Variants in CROCC2 observed in about 807,000 individuals in gnomAD.
The protein encoded by CROCC2 is ciliary rootlet coiled-coil, rootletin family member 2.
Under a neutral mutation model 177.6 loss-of-function variants are expected in CROCC2, and 163 were observed. The ratio of observed to expected loss-of-function variants is 0.92; its 90% CI spans 0.81 to 1.05. CROCC2 has a LOEUF of 1.05. Ranked by LOEUF, CROCC2 falls within the 50% of genes least tolerant of loss-of-function variation. The probability of loss-of-function intolerance (pLI) is 0.00; values close to 1 mark genes in which losing one functional copy is unlikely to be tolerated. For missense variants in CROCC2, 1,929 were observed against 1,797.8 expected, an observed-to-expected ratio of 1.07 and a Z score of -1.32; for synonymous variants, 904 against 787.3, an observed-to-expected ratio of 1.15 and a Z score of -2.48.
At chr2:240,992,901 C>G (rs566037126) in intron 31 of CROCC2, among the ~76,000 whole-genome samples, 165 bp from the exon 32 acceptor site, 4 of 152,300 alleles carry the variant, frequency 2.6e-5, no homozygotes, top group African/African-American at 9.6e-5. Context: ...TGCAGCCCAG[C>G]AGAAGGGCCT....
rs887890043 is a variant in CROCC2 at position 240,960,056 on chromosome 2, T to A, written c.3087+612T>A. ...TCCACGCACAGTTAAGAAAGTGGAG[T>A]CAGGAAGGGCCTGACTCTGGAGGCA... is the stretch of plus-strand genomic sequence containing the variant. On this transcript the variant is annotated intron_variant, in intron 20 of 31. Coordinates refer to ENST00000690015, the MANE Select transcript of CROCC2 (RefSeq NM_001351305.2). The surrounding 1 kb of genome is among the most constrained non-coding windows in gnomAD (Gnocchi z 5.0). Among the ~76,000 whole-genome samples, 7 of 151,954 alleles carry A rather than the reference T, an allele frequency of 4.6e-5. No homozygotes were observed. Among genetic ancestry groups the A allele is most frequent in the African/African-American group, 1.7e-4 (7 of 41,376 alleles).
chr2:240,944,349 T>C (rs1002725066), intron 14 of CROCC2, among the ~76,000 whole-genome samples: 2 of 152,256 alleles, frequency 1.3e-5, no homozygotes, highest in African/African-American at 2.4e-5. Flanking sequence ...TGTGGCTAGA[T>C]GTATTTTATT....
At chr2:240,948,827 G>T (rs1288328475) in intron 15 of CROCC2, among the ~76,000 whole-genome samples, 152 bp from the exon 16 acceptor site, 1 of 152,224 alleles carries the variant, frequency 6.6e-6, no homozygotes, top group African/African-American at 2.4e-5. Flanking sequence ...AACAGCACAT[G>T]GTGCTCCAGA....
At chr2:240,983,238 C>T in intron 28 of CROCC2, 1 of 882,306 alleles carries the variant, frequency 1.1e-6, no homozygotes, top group Non-Finnish European at 1.7e-6. Context: ...CTGGAGGGGC[C>T]CACAGGGAGT....
At chr2:240,940,196 C>A (rs183746774) in intron 14 of CROCC2, among the ~76,000 whole-genome samples, 116 of 152,246 alleles carry the variant, frequency 7.6e-4, no homozygotes, top group African/African-American at 2.5e-3. Flanking sequence ...GTTTCTTCCA[C>A]TAGATCTCCC....
Position 240,983,752 on chromosome 2 carries a change from TGTC to T in CROCC2, c.4551+726_4551+728del, listed in dbSNP as rs758219449. On this transcript the variant is annotated intron_variant, in intron 28 of 31. Transcript: ENST00000690015. ...CAGGTGGCCACAGCCCTGCCAGTGGTGTCGTGTGCGCCCTGCCTTGGCTCTCCC... is the reference window on the plus strand; with the variant it reads ...CAGGTGGCCACAGCCCTGCCAGTGGTGTGTGCGCCCTGCCTTGGCTCTCCC... The T allele has an allele frequency of 4.8e-4, 280 of 579,352 alleles. 1 individual carries two copies. The Middle Eastern group carries it at 9.9e-3, about 21-fold the overall frequency. 35.9% of individuals were successfully genotyped at this position (579,352 alleles called of 1,614,324 possible). A position where few individuals can be genotyped will look rare whatever the true frequency, so the allele number is the denominator to read the frequency against.
rs1409576130 is a variant in CROCC2, at chr2:240,945,865, A to AC, written c.2170-193dup. Among the ~76,000 whole-genome samples the AC allele has an allele frequency of 3.9e-5, 6 of 151,910 alleles. No homozygotes were observed. In the East Asian group the frequency reaches 9.7e-4, roughly 25 times the overall value. Reference sequence around the variant, plus strand: ...AATACCATCTCCATCCACTCAGGGTACCTGAGTGGATGCCCCCTCTATTGT... The same window carrying AC: ...AATACCATCTCCATCCACTCAGGGTACCCTGAGTGGATGCCCCCTCTATTGT... On this transcript the variant is annotated intron_variant, in intron 14 of 31. Coordinates refer to ENST00000690015, the MANE Select transcript of CROCC2 (RefSeq NM_001351305.2).
chr2:240,974,731 C>T (rs1202634273), intron 27 of CROCC2, among the ~76,000 whole-genome samples: 1 of 152,040 alleles, frequency 6.6e-6, no homozygotes, highest in African/African-American at 2.4e-5. Flanking sequence ...TTTGTTTATG[C>T]TTGGGCTTTC....
At chr2:240,947,832 C>T (rs982421116) in intron 15 of CROCC2, among the ~76,000 whole-genome samples, 7 of 152,110 alleles carry the variant, frequency 4.6e-5, no homozygotes, top group Admixed American at 3.3e-4. Flanking sequence ...CGCCAGCCCA[C>T]ACCCCAAGCA....
At chr2:240,910,389 G>A (rs548991113) in intron 1 of CROCC2, among the ~76,000 whole-genome samples, 28 of 147,146 alleles carry the variant, frequency 1.9e-4, no homozygotes, top group African/African-American at 6.9e-4. Flanking sequence ...TCCTTGGCTT[G>A]AATTTTGATT....
chr2:240,906,941 G>A (rs1352870832), intron 1 of CROCC2, among the ~76,000 whole-genome samples: 1 of 79,542 alleles, frequency 1.3e-5, no homozygotes, highest in African/African-American at 3.7e-5. Flanking sequence ...TCAGGTGGCC[G>A]GCGTCCCTGG....
intron 14 of CROCC2, among the ~76,000 whole-genome samples, chr2:240,939,143 A>G (rs2059484020): frequency 6.6e-6 from 1 of 152,174 alleles, no homozygotes; most frequent in African/African-American, 2.4e-5. Context: ...TAGGCTTTTC[A>G]TAGATGCCCT....
chr2:240,933,007 A>G lies in CROCC2; in HGVS notation c.1251+99A>G, dbSNP rs887088799. ...GTTATGGGGCCTGCCCCTGAGCCCCATGGCTCCAGGGAGGGGCCCCAGTGT... is the reference window on the plus strand; with the variant it reads ...GTTATGGGGCCTGCCCCTGAGCCCCGTGGCTCCAGGGAGGGGCCCCAGTGT... On this transcript the variant is annotated intron_variant, in intron 9 of 31. Transcript: ENST00000690015. 7 of 1,497,836 alleles carry G rather than the reference A, an allele frequency of 4.7e-6. No individual in the cohort carries two copies. The East Asian group carries it at 7.4e-5, about 16-fold the overall frequency. The allele number at this position is 1,497,836 out of a possible 1,614,324, so 92.8% of individuals were successfully genotyped here. A position where few individuals can be genotyped will look rare whatever the true frequency, so the allele number is the denominator to read the frequency against.
At chr2:240,916,408 C>T (rs1323569210) in intron 1 of CROCC2, among the ~76,000 whole-genome samples, 1 of 94,614 alleles carries the variant, frequency 1.1e-5, no homozygotes, top group Non-Finnish European at 2.2e-5. Context: ...CCCCTCCTTC[C>T]CCGGTGCCCC....
chr2:240,906,462 C>T lies in CROCC2; in HGVS notation c.-52C>T, dbSNP rs1332905769. 5.0e-6 allele frequency: 2 copies of T among 398,904 alleles called. No individual in the cohort carries two copies. Among genetic ancestry groups the T allele is most frequent in the Non-Finnish European group, 8.8e-6 (2 of 226,070 alleles). The allele number at this position is 398,904 out of a possible 1,614,324, so 24.7% of individuals were successfully genotyped here. On this transcript the variant is annotated 5_prime_UTR_variant, in exon 1 of 32. Transcript: ENST00000690015. ...AAGACCCTGGCCAGTTGGAGGAGAACTGCCAGGTAGCAAAGCCCAGACTTC... is the reference window on the plus strand; with the variant it reads ...AAGACCCTGGCCAGTTGGAGGAGAATTGCCAGGTAGCAAAGCCCAGACTTC...
At position 240,982,842 on chromosome 2, in the gene CROCC2, A is replaced by C; in HGVS notation, c.4402-38A>C. 1 of 1,527,132 alleles carries C rather than the reference A, an allele frequency of 6.5e-7. No homozygotes were observed. The highest frequency in any genetic ancestry group is 8.8e-7 in the Non-Finnish European group (1 of 1,133,316). The allele number at this position is 1,527,132 out of a possible 1,614,324, so 94.6% of individuals were successfully genotyped here. On this transcript the variant is annotated intron_variant, in intron 27 of 31. Transcript: ENST00000690015. The surrounding 1 kb of genome is among the most constrained non-coding windows in gnomAD (Gnocchi z 4.7). ...TTTCCCTGCAGGGCCTCCCACCCCCAGTGTCTCCAGGTGGACCCTGTGTCT... is the reference window on the plus strand; with the variant it reads ...TTTCCCTGCAGGGCCTCCCACCCCCCGTGTCTCCAGGTGGACCCTGTGTCT...
intron 12 of CROCC2, 133 bp from the exon 13 acceptor site, chr2:240,934,783 A>G: frequency 9.8e-7 from 1 of 1,015,904 alleles, no homozygotes; most frequent in East Asian, 3.1e-5. Context: ...CACTGTGGCG[A>G]CCTTCCCACC....
At position 240,973,956 on chromosome 2, in the gene CROCC2, T is replaced by C. The variant is rs1416475859; in HGVS notation, c.4401+5694T>C. ...TCATAAAGAATACACTTTAATTCCC[T>C]TTCCAATCTCTTTTCTGTCAAGGGT... is the stretch of plus-strand genomic sequence containing the variant. On this transcript the variant is annotated intron_variant, in intron 27 of 31. Transcript: ENST00000690015. This position sits in a 1 kb window ranked among gnomAD's most constrained non-coding sequence, Gnocchi z 4.7. 6.6e-6 allele frequency among the ~76,000 whole-genome samples: 1 copy of C among 152,232 alleles called. No homozygotes were observed. Among genetic ancestry groups the C allele is most frequent in the Non-Finnish European group, 1.5e-5 (1 of 68,038 alleles).
Position 240,932,789 on chromosome 2 carries a change from C to T in CROCC2, c.1132C>T (p.Gln378Ter), listed in dbSNP as rs1437594791. 27 of 1,453,214 alleles carry T rather than the reference C, an allele frequency of 1.9e-5. No homozygotes were observed. The highest frequency in any genetic ancestry group is 4.9e-5 in the South Asian group (4 of 81,608). 90.0% of individuals were successfully genotyped at this position (1,453,214 alleles called of 1,614,324 possible). ...GEPRRPLRSP[Q>*]RATSPHQGAS... ...GCCACGGCGCCCACTGAGGAGCCCC[C>T]AACGTGCCACATCCCCCCATCAAGG... The change falls in exon 9 of 32, where the codon CAA (glutamine) becomes TAA (stop). Residue 378 changes from glutamine (Q) to a stop codon, truncating the protein, a stop_gained. Coordinates refer to ENST00000690015, the MANE Select transcript of CROCC2 (RefSeq NM_001351305.2). LOFTEE classifies it high-confidence loss of function.
Sources: gnomAD v4.1 joint callset for allele counts (sites outside exome capture counted in the v4.1 genomes callset) on GRCh38, gnomAD v4.1.1 for gene constraint, Gnocchi (gnomAD v3.1) non-coding constraint, MANE v1.5 for transcripts, NCBI Gene and HGNC (gene_info 2026-07-23, HGNC 2026-07-21) for gene names.